FARP1: variants seen among roughly 807,000 people sequenced by gnomAD.
The protein encoded by FARP1 is FERM, ARHGEF and pleckstrin domain-containing protein 1.
FARP1 carries 52 observed loss-of-function variants against 128.8 expected under a neutral mutation model. The ratio of observed to expected loss-of-function variants is 0.40; its 90% CI spans 0.32 to 0.51. The LOEUF (loss-of-function observed/expected upper bound fraction) is 0.51. Among genes scored for constraint, FARP1 ranks in the 20% least tolerant of loss-of-function variants. The pLI, the probability that FARP1 is intolerant of heterozygous loss-of-function variation, is 0.45. For missense variants in FARP1, 1,333 were observed against 1,367.9 expected (o/e 0.97, Z 0.40); for synonymous variants, 580 against 551.8 (o/e 1.05, Z -0.72).
At chr13:98,379,635 G>A (rs1889814428) in intron 6 of FARP1, among the ~76,000 whole-genome samples, 1 of 152,136 alleles carries the variant, frequency 6.6e-6, no homozygotes, top group Admixed American at 6.6e-5. Flanking sequence ...AACTGAGGAT[G>A]CTCACGTCCC....
At chr13:98,273,832 C>G (rs1242198892) in intron 2 of FARP1, among the ~76,000 whole-genome samples, 2 of 152,208 alleles carry the variant, frequency 1.3e-5, no homozygotes, top group Non-Finnish European at 1.5e-5. Flanking sequence ...CACACAGTAG[C>G]GGGCCCAGCA....
At chr13:98,192,886 T>C (rs1328028868) in intron 1 of FARP1, among the ~76,000 whole-genome samples, 6 of 152,172 alleles carry the variant, frequency 3.9e-5, no homozygotes, top group Admixed American at 6.5e-5. Flanking sequence ...GTGAAGTAGA[T>C]TTAATGAGAT....
chr13:98,164,029 C>T (rs1236127280), intron 1 of FARP1, among the ~76,000 whole-genome samples: 3 of 150,860 alleles, frequency 2.0e-5, no homozygotes, highest in African/African-American at 7.3e-5. Context: ...TTTCTAAACA[C>T]TTCAAGATTA....
intron 1 of FARP1, among the ~76,000 whole-genome samples, chr13:98,155,412 T>A (rs1222214233): frequency 6.8e-6 from 1 of 147,712 alleles, no homozygotes; most frequent in Non-Finnish European, 1.5e-5. Context: ...CCCGATAAGC[T>A]CCTTAGGCGG....
intron 2 of FARP1, among the ~76,000 whole-genome samples, chr13:98,254,125 C>T (rs1244895483): frequency 3.3e-5 from 5 of 152,158 alleles, no homozygotes; most frequent in South Asian, 2.1e-4. Flanking sequence ...ATAATCTGAG[C>T]GGGCAGTCGG....
rs1279371906 is a variant in FARP1, at chr13:98,309,152, CCTTTT to C, written c.172-34609_172-34605del. Among the ~76,000 whole-genome samples the C allele has an allele frequency of 7.3e-3, 772 of 106,176 alleles. 64 individuals carry two copies. The highest frequency in any genetic ancestry group is 0.027 in the African/African-American group (727 of 26,830). The allele number at this position is 106,176 out of a possible 152,430, so 69.7% of individuals were successfully genotyped here. A position where few individuals can be genotyped will look rare whatever the true frequency, so the allele number is the denominator to read the frequency against. ...ATATATTAATATTAATTTTAAGAGGCCTTTTTTTTTTTTTTTTTTTTTTTTTTTTT... is the reference window on the plus strand; with the variant it reads ...ATATATTAATATTAATTTTAAGAGGCTTTTTTTTTTTTTTTTTTTTTTTTT... On this transcript the variant is annotated intron_variant, in intron 2 of 26. Coordinates refer to ENST00000319562, the MANE Select transcript of FARP1 (RefSeq NM_005766.4).
intron 2 of FARP1, among the ~76,000 whole-genome samples, chr13:98,308,534 G>C (rs1287019431): frequency 6.6e-6 from 1 of 152,196 alleles, no homozygotes; most frequent in Non-Finnish European, 1.5e-5. Context: ...GACGGCACCT[G>C]AGACATGGCT....
chr13:98,194,224 C>T (rs1422073304), intron 1 of FARP1, among the ~76,000 whole-genome samples: 1 of 152,144 alleles, frequency 6.6e-6, no homozygotes, highest in East Asian at 1.9e-4. Flanking sequence ...TCAAGCGATT[C>T]TCCTGCCTCA....
intron 3 of FARP1, among the ~76,000 whole-genome samples, chr13:98,361,602 A>G (rs547810859): frequency 6.6e-6 from 1 of 152,336 alleles, no homozygotes; most frequent in Non-Finnish European, 1.5e-5. Flanking sequence ...CCTCTCAGGC[A>G]GCATGACAGT....
At chr13:98,400,354 CA>C (rs1231047447) in intron 13 of FARP1, 1 of 152,172 alleles carries the variant, frequency 6.6e-6, no homozygotes, top group African/African-American at 2.4e-5. Flanking sequence ...AAGGAAGAAA[CA>C]ATGTAAATAT....
intron 1 of FARP1, among the ~76,000 whole-genome samples, chr13:98,155,146 A>C (rs1876409200): frequency 6.6e-6 from 1 of 152,142 alleles, no homozygotes; most frequent in Non-Finnish European, 1.5e-5. Context: ...TGGGAGTTCG[A>C]GACCAGCCTG....
rs1189298900 is a variant in FARP1, at chr13:98,440,227, C to A, written c.2621C>A (p.Pro874His). The stretch of plus-strand genomic sequence containing the variant: ...CCTGAGTTCCTGGCCAGCAGCCCCC[C>A]TGACAACAGTGAGTGTGGCCAGGGC... ...PAPEFLASSP[P>H]DNKSPDEATA... is the part of the protein sequence containing the mutation. The change falls in exon 23 of 27, where the codon CCT becomes CAT. Residue 874 changes from proline (P) to histidine (H), a missense_variant. Physicochemically the swap from Pro to His is moderately conservative, Grantham distance 77 (BLOSUM62 -2). Transcript: ENST00000319562. 2 of 1,612,696 alleles carry A rather than the reference C, an allele frequency of 1.2e-6. No individual in the cohort carries two copies. Among genetic ancestry groups the A allele is most frequent in the African/African-American group, 2.7e-5 (2 of 74,906 alleles).
chr13:98,438,436 G>A (rs1186155928), intron 19 of FARP1, among the ~76,000 whole-genome samples: 3 of 152,064 alleles, frequency 2.0e-5, no homozygotes, highest in Non-Finnish European at 4.4e-5. Context: ...TACACACATG[G>A]TCCTCAGAGA....
intron 2 of FARP1, among the ~76,000 whole-genome samples, chr13:98,258,018 G>A (rs943028618): frequency 6.6e-6 from 1 of 152,040 alleles, no homozygotes; most frequent in Non-Finnish European, 1.5e-5. Context: ...CTGTTGCCCA[G>A]GCTAGAGTGC....
chr13:98,269,407 T>G (rs1884283963), intron 2 of FARP1, among the ~76,000 whole-genome samples: 1 of 152,190 alleles, frequency 6.6e-6, no homozygotes, highest in African/African-American at 2.4e-5. Context: ...GTTCATTAAG[T>G]TCAGATTTTG....
In FARP1 at chr13:98,446,767, C is replaced by G. The variant is rs144436647; in HGVS notation, c.3006C>G (p.Phe1002Leu). The G allele has an allele frequency of 1.3e-4, 213 of 1,614,200 alleles. No individual in the cohort carries two copies. Among genetic ancestry groups the G allele is most frequent in the Admixed American group, 2.8e-4 (17 of 60,028 alleles). ...IQKDYVFKLHFKSHVYYFRAE... is the reference protein window; with the variant it reads ...IQKDYVFKLHLKSHVYYFRAE... ...AAGACTACGTGTTCAAGCTGCACTT[C>G]AAGTCCCACGTCTACTACTTCAGGG... is the stretch of plus-strand genomic sequence containing the variant. Residue 1002 changes from phenylalanine (F) to leucine (L), a missense_variant, in exon 26 of 27, where the codon TTC becomes TTG. Physicochemically the swap from Phe to Leu is conservative, Grantham distance 22 (BLOSUM62 0). Coordinates refer to ENST00000319562, the MANE Select transcript of FARP1 (RefSeq NM_005766.4).
chr13:98,368,321 A>C (rs1019066742), intron 5 of FARP1, 126 bp downstream of exon 5: 5 of 690,018 alleles, frequency 7.2e-6, no homozygotes, highest in African/African-American at 1.8e-5. Context: ...TTCTGTACTG[A>C]ACAGTTTAAC....
At chr13:98,222,986 G>A (rs1319563184) in intron 2 of FARP1, among the ~76,000 whole-genome samples, 2 of 152,050 alleles carry the variant, frequency 1.3e-5, no homozygotes, top group Admixed American at 6.6e-5. Flanking sequence ...GGAGTCTGCA[G>A]AAGGAAAGCC....
At chr13:98,178,090 T>A (rs1372254085) in intron 1 of FARP1, among the ~76,000 whole-genome samples, 1 of 151,902 alleles carries the variant, frequency 6.6e-6, no homozygotes, top group Non-Finnish European at 1.5e-5. Flanking sequence ...TGTAAACATT[T>A]AAAAAAATAT....
Sources: allele counts gnomAD v4.1 joint callset (sites outside exome capture counted in the v4.1 genomes callset), GRCh38; gene constraint gnomAD v4.1.1; transcripts MANE v1.5; gene names NCBI Gene and HGNC (gene_info 2026-07-23, HGNC 2026-07-21).